The following ACOT7 variants were observed in gnomAD, a reference collection of about 807,000 sequenced individuals.
ACOT7 encodes the protein acyl-CoA thioesterase 7.
In ACOT7, 12 loss-of-function variants were observed where a neutral mutation model predicts 40.2. That is an observed-to-expected ratio of 0.30 (90% CI 0.19 to 0.48). The LOEUF (loss-of-function observed/expected upper bound fraction) is 0.48. ACOT7 is among the 20% of genes least tolerant of loss of function. The probability of loss-of-function intolerance (pLI) is 0.99; values close to 1 mark genes in which losing one functional copy is unlikely to be tolerated. For synonymous variants in ACOT7, 228 were observed against 219.5 expected (o/e 1.04, Z -0.34); for missense variants, 395 against 530.8 (o/e 0.74, Z 2.51).
At chr1:6,383,351 C>T (rs1029140720) in intron 1 of ACOT7, among the ~76,000 whole-genome samples, 10 of 150,260 alleles carry the variant, frequency 6.7e-5, no homozygotes, top group Admixed American at 5.3e-4. Flanking sequence ...TGACGCCTGG[C>T]TAATTTTTTG....
chr1:6,345,069 T>C (rs1225729343), intron 2 of ACOT7, among the ~76,000 whole-genome samples: 6 of 152,130 alleles, frequency 3.9e-5, no homozygotes, highest in African/African-American at 1.4e-4. Flanking sequence ...AAAACTTCAA[T>C]ACATGGACTG....
At chr1:6,327,267 T>A in intron 5 of ACOT7, 32 bp downstream of exon 5, 6 of 1,607,174 alleles carry the variant, frequency 3.7e-6, no homozygotes, top group Non-Finnish European at 4.3e-6. Flanking sequence ...CGGTGAGGAG[T>A]GGCACCTGCT....
chr1:6,357,192 G>A (rs1214756854), intron 1 of ACOT7, among the ~76,000 whole-genome samples: 2 of 149,022 alleles, frequency 1.3e-5, no homozygotes, highest in Non-Finnish European at 3.0e-5. Flanking sequence ...AGCCAAGATC[G>A]CGCCATTGCA....
chr1:6,393,555 C>G lies in ACOT7; in HGVS notation c.-156G>C. 2 of 624,492 alleles carry G rather than the reference C, an allele frequency of 3.2e-6. No homozygotes were observed. Among genetic ancestry groups the G allele is most frequent in the Admixed American group, 4.7e-5 (1 of 21,312 alleles). The allele number at this position is 624,492 out of a possible 1,614,324, so 38.7% of individuals were successfully genotyped here. A position where few individuals can be genotyped will look rare whatever the true frequency, so the allele number is the denominator to read the frequency against. ...CCGCCAAGGCTGCAGAGAGCTCGCG[C>G]GGGCGTACGATTCTGGCGGCGTGGG... On this transcript the variant is annotated 5_prime_UTR_variant, in exon 1 of 9. Transcript: ENST00000361521.
In ACOT7 at chr1:6,299,510, C is replaced by T. The variant is rs543832730; in HGVS notation, c.713-4530G>A. On this transcript the variant is annotated intron_variant, in intron 6 of 8. Transcript: ENST00000361521. The surrounding 1 kb of genome is among the most constrained non-coding windows in gnomAD (Gnocchi z 4.1). ...ACACACAGAGGGCATAGAGGACAGT[C>T]GGCCTCCCCTTACCAGGCACCACAC... 4.5e-4 allele frequency among the ~76,000 whole-genome samples: 68 copies of T among 151,840 alleles called. No homozygotes were observed. The highest frequency in any genetic ancestry group is 1.2e-3 in the East Asian group (6 of 5,152).
At chr1:6,360,494 C>A in intron 1 of ACOT7, 2 of 1,571,856 alleles carry the variant, frequency 1.3e-6, no homozygotes, top group Non-Finnish European at 1.7e-6. Flanking sequence ...CCCTGGCACA[C>A]AGGACAGGTC....
rs533832818 is a variant in ACOT7, at chr1:6,365,618, A to C, written c.144-15752T>G. On this transcript the variant is annotated intron_variant, in intron 1 of 8. Transcript: ENST00000361521. ...CCCCATCTCTACTAAAAAACAAAAA[A>C]TTAGCCCGGCATGGTAGTGGGCGCC... Among the ~76,000 whole-genome samples the C allele has an allele frequency of 3.3e-5, 5 of 151,946 alleles. No individual in the cohort carries two copies. The South Asian group carries it at 1.0e-3, about 32-fold the overall frequency.
chr1:6,321,014 G>C (rs1640630338), intron 5 of ACOT7, among the ~76,000 whole-genome samples: 1 of 152,204 alleles, frequency 6.6e-6, no homozygotes, highest in Admixed American at 6.5e-5. Flanking sequence ...GAACACAGGA[G>C]CTACCCAGGA....
At chr1:6,290,601 G>A (rs1201645686) in intron 7 of ACOT7, among the ~76,000 whole-genome samples, 2 of 152,190 alleles carry the variant, frequency 1.3e-5, no homozygotes, top group Non-Finnish European at 2.9e-5. Context: ...TTGACTTAAG[G>A]TTAATACTAA....
chr1:6,343,312 T>A (rs1641327007), intron 2 of ACOT7, among the ~76,000 whole-genome samples: 1 of 152,194 alleles, frequency 6.6e-6, no homozygotes, highest in South Asian at 2.1e-4. Flanking sequence ...GGGGTTAACA[T>A]GCAAGCTCCG....
intron 6 of ACOT7, among the ~76,000 whole-genome samples, chr1:6,305,464 T>C (rs1474098967): frequency 6.8e-6 from 1 of 146,360 alleles, no homozygotes; most frequent in Non-Finnish European, 1.5e-5. Context: ...CGCTCCTCAC[T>C]TCCCAGACGG....
intron 1 of ACOT7, among the ~76,000 whole-genome samples, chr1:6,367,891 G>A (rs1374717087): frequency 6.6e-6 from 1 of 152,216 alleles, no homozygotes; most frequent in Non-Finnish European, 1.5e-5. Flanking sequence ...GAAAAATGGA[G>A]AGTGAGCAAG....
At chr1:6,315,217 G>A (rs139195215) in intron 6 of ACOT7, among the ~76,000 whole-genome samples, 3 of 152,242 alleles carry the variant, frequency 2.0e-5, no homozygotes, top group African/African-American at 4.8e-5. Flanking sequence ...AACGGGACTC[G>A]GGCGCAGCTT....
At chr1:6,365,325 G>T (rs1395071644) in intron 1 of ACOT7, among the ~76,000 whole-genome samples, 1 of 152,078 alleles carries the variant, frequency 6.6e-6, no homozygotes, top group Non-Finnish European at 1.5e-5. Flanking sequence ...TACGGGTTTG[G>T]TTCCAGATCA....
intron 1 of ACOT7, among the ~76,000 whole-genome samples, chr1:6,389,264 T>C (rs1220146544): frequency 1.3e-5 from 2 of 151,512 alleles, no homozygotes; most frequent in Admixed American, 6.6e-5. Flanking sequence ...TCTAAGAGCA[T>C]GGCAAGCAAA....
chr1:6,287,577 G>A (rs749712387), intron 7 of ACOT7, among the ~76,000 whole-genome samples: 8 of 152,172 alleles, frequency 5.3e-5, no homozygotes, highest in Admixed American at 2.6e-4. Context: ...AATTACAGCC[G>A]CTTTCTGTTT....
chr1:6,389,073 C>T (rs1055033274), intron 1 of ACOT7, among the ~76,000 whole-genome samples: 1 of 151,786 alleles, frequency 6.6e-6, no homozygotes, highest in Admixed American at 6.6e-5. Context: ...AAAGGTAGAG[C>T]CCCTCTTTGT....
At position 6,311,893 on chromosome 1, in the gene ACOT7, C is replaced by T. The variant is rs1640341309; in HGVS notation, c.712+6599G>A. 6.6e-6 allele frequency among the ~76,000 whole-genome samples: 1 copy of T among 152,190 alleles called. No homozygotes were observed. The highest frequency in any genetic ancestry group is 1.5e-5 in the Non-Finnish European group (1 of 68,036). On this transcript the variant is annotated intron_variant, in intron 6 of 8. Coordinates refer to ENST00000361521, the MANE Select transcript of ACOT7 (RefSeq NM_007274.4). This position sits in a 1 kb window ranked among gnomAD's most constrained non-coding sequence, Gnocchi z 5.2. ...ACTACAGCTCCTGGACACCCCTCACCCCGACTCCCAGGGTCTGGGTCACCT... is the reference window on the plus strand; with the variant it reads ...ACTACAGCTCCTGGACACCCCTCACTCCGACTCCCAGGGTCTGGGTCACCT...
At chr1:6,317,074 A>T (rs1640516125) in intron 6 of ACOT7, among the ~76,000 whole-genome samples, 1 of 152,252 alleles carries the variant, frequency 6.6e-6, no homozygotes, top group African/African-American at 2.4e-5. Context: ...TGTTCCAGGC[A>T]GTTAGAAATG....
Sources: allele counts gnomAD v4.1 joint callset (sites outside exome capture counted in the v4.1 genomes callset), GRCh38; gene constraint gnomAD v4.1.1; non-coding constraint Gnocchi (gnomAD v3.1); transcripts MANE v1.5; gene names NCBI Gene and HGNC (gene_info 2026-07-23, HGNC 2026-07-21).